Variants in CRADD observed in about 807,000 individuals in gnomAD.
CRADD encodes the protein death domain-containing protein CRADD.
A neutral mutation model predicts 15.5 loss-of-function variants in CRADD; 9 were observed. The ratio of observed to expected loss-of-function variants is 0.58; its 90% CI spans 0.35 to 1.01. The LOEUF (loss-of-function observed/expected upper bound fraction) is 1.01. Among genes scored for constraint, CRADD ranks in the 50% least tolerant of loss-of-function variants. The probability of loss-of-function intolerance (pLI) is 0.02; values close to 1 mark genes in which losing one functional copy is unlikely to be tolerated. For missense variants in CRADD, 227 were observed against 250.3 expected (o/e 0.91, Z 0.63); for synonymous variants, 118 against 107.6 (o/e 1.10, Z -0.60).
chr12:93,800,996 T>G (rs1466367827), intron 2 of CRADD, among the ~76,000 whole-genome samples: 1 of 152,140 alleles, frequency 6.6e-6, no homozygotes, highest in Non-Finnish European at 1.5e-5. Context: ...GTTTGCTATA[T>G]TTCCTGTAAG....
intron 2 of CRADD, chr12:93,826,833 A>G (rs1175114254): frequency 6.6e-6 from 1 of 152,200 alleles, no homozygotes; most frequent in Non-Finnish European, 1.5e-5. Context: ...CTGGCAAGCA[A>G]GTGTTAGGTT....
chr12:93,772,495 A>G (rs961390453), intron 2 of CRADD, among the ~76,000 whole-genome samples: 2 of 152,234 alleles, frequency 1.3e-5, no homozygotes, highest in African/African-American at 4.8e-5. Context: ...CTCTTCTGAC[A>G]CCTCATATTG....
chr12:93,860,734 T>A (rs1036918038), intron 2 of CRADD, among the ~76,000 whole-genome samples: 1 of 152,204 alleles, frequency 6.6e-6, no homozygotes, highest in African/African-American at 2.4e-5. Context: ...ATGAGTCACC[T>A]TCAGCACCTT....
downstream of CRADD, among the ~76,000 whole-genome samples, chr12:93,853,356 A>G (rs1958244143): frequency 6.6e-6 from 1 of 152,214 alleles, no homozygotes; most frequent in South Asian, 2.1e-4. Flanking sequence ...TATAACATCA[A>G]ACTGTCTTTC....
intron 2 of CRADD, among the ~76,000 whole-genome samples, chr12:93,788,624 G>T (rs974934254): frequency 2.0e-5 from 3 of 152,148 alleles, no homozygotes; most frequent in Non-Finnish European, 2.9e-5. Flanking sequence ...TAAAGGGAGG[G>T]TGTGAGGTAG....
At chr12:93,747,858 G>C (rs1489538389) in intron 2 of CRADD, among the ~76,000 whole-genome samples, 2 of 152,130 alleles carry the variant, frequency 1.3e-5, no homozygotes, top group African/African-American at 4.8e-5. Context: ...CTTTCCTTCA[G>C]ACTACCTGTA....
chr12:93,730,828 AC>A (rs1289352219), intron 2 of CRADD, among the ~76,000 whole-genome samples: 1 of 148,980 alleles, frequency 6.7e-6, no homozygotes, highest in African/African-American at 2.5e-5. Context: ...CTATTCTCCC[AC>A]CTCAGCCTCC....
chr12:93,875,988 G>A (rs1958455832), intron 2 of CRADD, among the ~76,000 whole-genome samples: 1 of 152,068 alleles, frequency 6.6e-6, no homozygotes, highest in South Asian at 2.1e-4. Context: ...TTATAGGACA[G>A]GTCTGGTGTT....
chr12:93,691,394 C>T (rs2136815111), intron 2 of CRADD, among the ~76,000 whole-genome samples: 1 of 152,132 alleles, frequency 6.6e-6, no homozygotes, highest in Middle Eastern at 3.4e-3. Context: ...GCTGGGATTA[C>T]AGGTGCCCGC....
chr12:93,692,661 T>A lies in CRADD; in HGVS notation c.298+13589T>A, dbSNP rs61526813. On this transcript the variant is annotated intron_variant, in intron 2 of 2. Transcript: ENST00000332896. ...TCTTTAGAAGTGAAGGAGAGAATGATACTTTCCCAGATAAAGCTGAGAAAG... is the reference window on the plus strand; with the variant it reads ...TCTTTAGAAGTGAAGGAGAGAATGAAACTTTCCCAGATAAAGCTGAGAAAG... Among the ~76,000 whole-genome samples, 693 of 152,294 alleles carry A rather than the reference T, an allele frequency of 4.6e-3. 2 individuals carry two copies. Among genetic ancestry groups the A allele is most frequent in the African/African-American group, 0.016 (667 of 41,568 alleles).
intron 2 of CRADD, among the ~76,000 whole-genome samples, chr12:93,877,220 C>T (rs905050360): frequency 6.6e-6 from 1 of 152,166 alleles, no homozygotes; most frequent in Non-Finnish European, 1.5e-5. Flanking sequence ...ACACAAGAAC[C>T]TCTGTGGCTA....
At chr12:93,856,338 A>T (rs1362418468) in intron 2 of CRADD, among the ~76,000 whole-genome samples, 7 of 152,236 alleles carry the variant, frequency 4.6e-5, no homozygotes, top group South Asian at 2.1e-4. Context: ...ACAGTCTTTG[A>T]GCAAATTCTT....
chr12:93,753,388 C>T (rs536263551), intron 2 of CRADD, among the ~76,000 whole-genome samples: 9 of 152,162 alleles, frequency 5.9e-5, no homozygotes, highest in African/African-American at 1.4e-4. Context: ...CCAAATCTCA[C>T]GTCTTCACAT....
chr12:93,762,155 G>T (rs1293718278), intron 2 of CRADD, among the ~76,000 whole-genome samples: 1 of 152,210 alleles, frequency 6.6e-6, no homozygotes, highest in Non-Finnish European at 1.5e-5. Context: ...GTGATAGTCT[G>T]CCTTTTCTGG....
intron 2 of CRADD, among the ~76,000 whole-genome samples, chr12:93,727,955 G>GTAGACTGTGTTTTGAGA (rs1263182349): frequency 1.2e-4 from 19 of 152,164 alleles, no homozygotes; most frequent in African/African-American, 4.6e-4. Flanking sequence ...ACTCCTGGAG[G>GTAGACTGTGTTTTGAGA]TAGACTGTGT....
intron 2 of CRADD, among the ~76,000 whole-genome samples, chr12:93,701,295 GACACACACACACACAC>G (rs55986038): frequency 2.8e-5 from 4 of 143,460 alleles, no homozygotes; most frequent in African/African-American, 1.0e-4. Context: ...CTCTCTCTGT[GACACACACACACACAC>G]ACACACACAC....
chr12:93,836,553 T>A (rs1331561927), intron 2 of CRADD, among the ~76,000 whole-genome samples: 1 of 152,176 alleles, frequency 6.6e-6, no homozygotes, highest in Non-Finnish European at 1.5e-5. Flanking sequence ...ACCTTGACAA[T>A]ATTTTACCAT....
At chr12:93,770,127 G>C (rs1250555018) in intron 2 of CRADD, among the ~76,000 whole-genome samples, 1 of 121,002 alleles carries the variant, frequency 8.3e-6, no homozygotes, top group Non-Finnish European at 1.7e-5. Flanking sequence ...ACGGAGTCTC[G>C]CTCTGTGGCC....
chr12:93,698,060 G>A (rs1428769318), intron 2 of CRADD, among the ~76,000 whole-genome samples: 1 of 152,136 alleles, frequency 6.6e-6, no homozygotes, highest in Non-Finnish European at 1.5e-5. Flanking sequence ...CTGTTTCAGG[G>A]GAAGGTCAGA....
Sources: allele counts gnomAD v4.1 joint callset (sites outside exome capture counted in the v4.1 genomes callset), GRCh38; gene constraint gnomAD v4.1.1; transcripts MANE v1.5; gene names NCBI Gene and HGNC (gene_info 2026-07-23, HGNC 2026-07-21).